Variants in USP2 observed in about 807,000 individuals in gnomAD.
USP2 encodes the protein ubiquitin carboxyl-terminal hydrolase 2.
In USP2, 33 loss-of-function variants were observed where a neutral mutation model predicts 72.0. That is an observed-to-expected ratio of 0.46 (90% CI 0.35 to 0.61). The LOEUF is 0.61. Among genes scored for constraint, USP2 ranks in the 20% least tolerant of loss-of-function variants. The pLI, the probability that USP2 is intolerant of heterozygous loss-of-function variation, is 0.01. For synonymous variants in USP2, 296 were observed against 312.5 expected (o/e 0.95, Z 0.56); for missense variants, 691 against 797.8 (o/e 0.87, Z 1.61).
intron 1 of USP2, among the ~76,000 whole-genome samples, chr11:119,378,299 G>A (rs932841421): frequency 7.0e-6 from 1 of 142,946 alleles, no homozygotes; most frequent in Non-Finnish European, 1.5e-5. Context: ...CCTGGCAGGT[G>A]TAGAGGACAT....
chr11:119,357,987 T>C lies in USP2; in HGVS notation c.1416A>G (p.Glu472=), dbSNP rs368366352. The change falls in exon 9 of 13, where the codon GAA becomes GAG. Residue 472 remains glutamate (E), a synonymous_variant. Transcript: ENST00000260187. ...FTKEDVLDGD[E]KPTCCRCRGR... is the part of the protein sequence containing the mutation. ...TTACCGAAGGGTGACTTACTGGCTT[T>C]TCATCTCCATCAAGCACATCCTCTT... The C allele has an allele frequency of 2.5e-6, 4 of 1,614,188 alleles. No individual in the cohort carries two copies. The highest frequency in any genetic ancestry group is 4.5e-5 in the East Asian group (2 of 44,882).
intron 1 of USP2, 49 bp downstream of exon 1, chr11:119,381,424 C>T (rs774222059): frequency 7.2e-6 from 11 of 1,528,446 alleles, no homozygotes; most frequent in South Asian, 1.2e-5. Context: ...TCCAAACCGG[C>T]ACTGATCCCC....
At position 119,358,856 on chromosome 11, in the gene USP2, C is replaced by A; in HGVS notation, c.1173-19G>T. ...GTCATCACTGGGAACCAGAGAGAGACAACAATTGGGTCAAAGCTCAAAACT... is the reference window on the plus strand; with the variant it reads ...GTCATCACTGGGAACCAGAGAGAGAAAACAATTGGGTCAAAGCTCAAAACT... On this transcript the variant is annotated intron_variant, in intron 6 of 12. Coordinates refer to ENST00000260187, the MANE Select transcript of USP2 (RefSeq NM_004205.5). 1.2e-6 allele frequency: 2 copies of A among 1,613,926 alleles called. No homozygotes were observed. Among genetic ancestry groups the A allele is most frequent in the East Asian group, 4.5e-5 (2 of 44,886 alleles).
intron 1 of USP2, among the ~76,000 whole-genome samples, chr11:119,375,224 A>C (rs1014019944): frequency 1.3e-5 from 2 of 152,064 alleles, no homozygotes; most frequent in African/African-American, 2.4e-5. Context: ...CCAAACCCCA[A>C]ATGCGAGGGC....
chr11:119,371,737 C>G (rs1424926181), intron 2 of USP2, among the ~76,000 whole-genome samples: 1 of 152,120 alleles, frequency 6.6e-6, no homozygotes, highest in Non-Finnish European at 1.5e-5. Context: ...ATGGAGGAGA[C>G]ACAGCATCCA....
intron 1 of USP2, 115 bp downstream of exon 1, chr11:119,381,358 C>G (rs547567034): frequency 7.7e-6 from 9 of 1,161,480 alleles, no homozygotes; most frequent in East Asian, 5.2e-5. Context: ...GGCTCTCTCC[C>G]TATATTTCTA....
intron 1 of USP2, among the ~76,000 whole-genome samples, chr11:119,379,917 CTTTTTTTT>C (rs397816714): frequency 1.1e-3 from 126 of 116,548 alleles, no homozygotes; most frequent in Middle Eastern, 5.2e-3. Context: ...GTTCCTTTCT[CTTTTTTTT>C]TTTTTTTTTT....
chr11:119,364,034 G>A (rs1333627100), intron 2 of USP2: 1 of 1,236,006 alleles, frequency 8.1e-7, no homozygotes, highest in East Asian at 3.4e-5. Context: ...CTCGCTTAAC[G>A]TTGGCAGCGG....
intron 1 of USP2, chr11:119,379,136 C>T (rs1418810760): frequency 2.2e-5 from 22 of 985,294 alleles, no homozygotes; most frequent in African/African-American, 8.7e-5. Flanking sequence ...TTACTGACTC[C>T]GATATATATA....
intron 2 of USP2, among the ~76,000 whole-genome samples, chr11:119,362,359 G>A (rs1031301726): frequency 1.3e-4 from 20 of 152,186 alleles, no homozygotes; most frequent in African/African-American, 4.8e-4. Flanking sequence ...ATTGGCCTGG[G>A]GGGTGGGGAG....
intron 2 of USP2, among the ~76,000 whole-genome samples, chr11:119,370,268 C>T (rs1950909555): frequency 6.6e-6 from 1 of 152,224 alleles, no homozygotes; most frequent in Admixed American, 6.5e-5. Flanking sequence ...CTCTTGCCTG[C>T]CAAAGCACCA....
At chr11:119,378,877 C>T (rs547893754) in intron 1 of USP2, 1 of 613,830 alleles carries the variant, frequency 1.6e-6, no homozygotes, top group African/African-American at 2.0e-5. Flanking sequence ...CCGGAGGAGC[C>T]TTTGGTCTTG....
At chr11:119,374,423 G>T (rs1415133378) in intron 1 of USP2, among the ~76,000 whole-genome samples, 3 of 152,228 alleles carry the variant, frequency 2.0e-5, no homozygotes, top group Non-Finnish European at 4.4e-5. Context: ...GTCTAGTGAA[G>T]GAACACAGAC....
chr11:119,373,119 C>G lies in USP2; in HGVS notation c.362G>C (p.Cys121Ser). The G allele has an allele frequency of 6.2e-7, 1 of 1,614,116 alleles. No individual in the cohort carries two copies. Among genetic ancestry groups the G allele is most frequent in the South Asian group, 1.1e-5 (1 of 91,086 alleles). The change falls in exon 2 of 13, where the codon TGC (cysteine) becomes TCC (serine). Residue 121 changes from cysteine (C) to serine (S), a missense_variant. Coordinates refer to ENST00000260187, the MANE Select transcript of USP2 (RefSeq NM_004205.5). ...GGCATTGATGGGCAGGTAGCTGAGG[C>G]AGTTGTTGGTCACTCCATAAGGGAA... is the stretch of plus-strand genomic sequence containing the variant. ...SGFPYGVTNNCLSYLPINAYD... is the reference protein window; with the variant it reads ...SGFPYGVTNNSLSYLPINAYD...
Position 119,359,052 on chromosome 11 carries a change from A to G in USP2, c.1144T>C (p.Ser382Pro), listed in dbSNP as rs1950719522. 6 of 1,613,924 alleles carry G rather than the reference A, an allele frequency of 3.7e-6. No homozygotes were observed. The East Asian group carries it at 1.3e-4, about 36-fold the overall frequency. The change falls in exon 6 of 13, where the codon TCC (serine) becomes CCC (proline). Residue 382 changes from serine to proline, a missense_variant. Transcript: ENST00000260187. ...EVNRVTLRPK[S>P]NPENLDHLPD... ...AGATGATCGAGGTTCTCAGGGTTGG[A>G]CTTAGGTCTCAGTGTCACTCGGTTC...
chr11:119,372,154 A>G (rs78794178), intron 2 of USP2, among the ~76,000 whole-genome samples: 1 of 152,324 alleles, frequency 6.6e-6, no homozygotes, highest in East Asian at 1.9e-4. Context: ...CCAAAGCCAG[A>G]TGATAAGCAT....
chr11:119,376,860 C>T (rs994865314), intron 1 of USP2, among the ~76,000 whole-genome samples: 3 of 152,250 alleles, frequency 2.0e-5, no homozygotes, highest in East Asian at 1.9e-4. Context: ...TGCCATGTGA[C>T]GCATTCTTCT....
chr11:119,376,409 A>G (rs1007141996), intron 1 of USP2: 12 of 985,492 alleles, frequency 1.2e-5, no homozygotes, highest in African/African-American at 3.5e-5. Context: ...AGGCAAGCCA[A>G]TTGGCTGGGA....
In USP2 at chr11:119,356,894, G is replaced by A; in HGVS notation, c.1759C>T (p.Arg587Cys). ...AAGAGCAGGTAGGCGTCGCTGGTGCGCACTTGGCTGGAGGACATGGGAGTG... is the reference window on the plus strand; with the variant it reads ...AAGAGCAGGTAGGCGTCGCTGGTGCACACTTGGCTGGAGGACATGGGAGTG... The part of the protein sequence containing the change: ...SVTPMSSSQV[R>C]TSDAYLLFYE... Residue 587 changes from arginine to cysteine, a missense_variant, in exon 13 of 13, where the codon CGC (arginine) becomes TGC (cysteine). Coordinates refer to ENST00000260187, the MANE Select transcript of USP2 (RefSeq NM_004205.5). 4 of 1,563,982 alleles carry A rather than the reference G, an allele frequency of 2.6e-6. No homozygotes were observed. Among genetic ancestry groups the A allele is most frequent in the Non-Finnish European group, 3.5e-6 (4 of 1,154,648 alleles).
Sources: allele counts gnomAD v4.1 joint callset (sites outside exome capture counted in the v4.1 genomes callset), GRCh38; gene constraint gnomAD v4.1.1; transcripts MANE v1.5; gene names NCBI Gene and HGNC (gene_info 2026-07-23, HGNC 2026-07-21).